FRMD4A: variants seen among roughly 807,000 people sequenced by gnomAD.
The protein encoded by FRMD4A is FERM domain containing 4A.
A neutral mutation model predicts 129.1 loss-of-function variants in FRMD4A; 29 were observed. The ratio of observed to expected loss-of-function variants is 0.22; its 90% CI spans 0.17 to 0.31. The LOEUF (loss-of-function observed/expected upper bound fraction) is 0.31. Ranked by LOEUF, FRMD4A falls within the 10% of genes least tolerant of loss-of-function variation. FRMD4A has a pLI of 1.00. For missense variants in FRMD4A, 1,272 were observed against 1,375.8 expected (o/e 0.92, Z 1.19); for synonymous variants, 634 against 571.6 (o/e 1.11, Z -1.56).
At chr10:13,705,207 T>C (rs1024042645) in intron 13 of FRMD4A, among the ~76,000 whole-genome samples, 4 of 152,134 alleles carry the variant, frequency 2.6e-5, no homozygotes, top group Non-Finnish European at 5.9e-5. Context: ...GCAAGAAACA[T>C]GACATTGATC....
chr10:14,029,336 G>A (rs996355052), intron 2 of FRMD4A, among the ~76,000 whole-genome samples: 1 of 151,926 alleles, frequency 6.6e-6, no homozygotes, highest in Admixed American at 6.6e-5. Context: ...GGGAAACGGT[G>A]GGCAGATCGT....
intron 2 of FRMD4A, among the ~76,000 whole-genome samples, chr10:13,893,254 C>T (rs555178538): frequency 1.3e-5 from 2 of 152,186 alleles, no homozygotes; most frequent in Admixed American, 6.5e-5. Context: ...CCAGGCTGGT[C>T]TTAACTACCT....
chr10:13,886,884 A>G (rs1477519090), intron 2 of FRMD4A, among the ~76,000 whole-genome samples: 1 of 152,220 alleles, frequency 6.6e-6, no homozygotes, highest in Non-Finnish European at 1.5e-5. Flanking sequence ...AGTGTATGCA[A>G]GCAAAACATA....
intron 6 of FRMD4A, among the ~76,000 whole-genome samples, chr10:13,774,448 G>C (rs2092546196): frequency 6.6e-6 from 1 of 152,242 alleles, no homozygotes. Flanking sequence ...ACAGGAAGCA[G>C]GGATGAAGTG....
intron 8 of FRMD4A, among the ~76,000 whole-genome samples, chr10:13,748,608 G>A (rs1470190757): frequency 3.3e-5 from 5 of 152,172 alleles, no homozygotes; most frequent in African/African-American, 7.2e-5. Flanking sequence ...TTTTGCTTTT[G>A]AGGAGGCTCA....
intron 2 of FRMD4A, among the ~76,000 whole-genome samples, chr10:13,880,060 C>T (rs1399280487): frequency 2.0e-5 from 3 of 152,006 alleles, no homozygotes; most frequent in Admixed American, 6.6e-5. Context: ...CTTTAAGCAT[C>T]GTTTGTACAT....
At chr10:13,724,324 G>A (rs964545548) in intron 12 of FRMD4A, among the ~76,000 whole-genome samples, 12 of 152,150 alleles carry the variant, frequency 7.9e-5, no homozygotes, top group African/African-American at 1.2e-4. Context: ...GGAGGCGGAC[G>A]TTGCAGTGAG....
intron 9 of FRMD4A, among the ~76,000 whole-genome samples, chr10:13,740,790 C>T (rs1015387247): frequency 6.6e-6 from 1 of 150,716 alleles, no homozygotes; most frequent in African/African-American, 2.4e-5. Context: ...TCTGTTTTCC[C>T]CACAAAGGAC....
chr10:14,044,027 C>G lies in FRMD4A; in HGVS notation c.46-185115G>C, dbSNP rs74965144. Among the ~76,000 whole-genome samples the G allele has an allele frequency of 7.5e-3, 1,142 of 152,286 alleles. 56 individuals are homozygous for G. In the East Asian group the frequency reaches 0.11, roughly 15 times the overall value. On this transcript the variant is annotated intron_variant, in intron 2 of 24. Coordinates refer to ENST00000357447, the MANE Select transcript of FRMD4A (RefSeq NM_018027.5). Reference sequence around the variant, plus strand: ...ACTTATTTGTAGAGATGGGGTCCCACTGTGTTGCCCAGGCTGGTCTCCAGT... The same window carrying G: ...ACTTATTTGTAGAGATGGGGTCCCAGTGTGTTGCCCAGGCTGGTCTCCAGT...
At chr10:13,985,653 G>C (rs2095578479) in intron 2 of FRMD4A, among the ~76,000 whole-genome samples, 1 of 152,212 alleles carries the variant, frequency 6.6e-6, no homozygotes, top group Non-Finnish European at 1.5e-5. Context: ...GCAGGCACCA[G>C]TCTCCACGGG....
At chr10:13,657,821 C>T (rs2082305560) in intron 21 of FRMD4A, among the ~76,000 whole-genome samples, 1 of 141,530 alleles carries the variant, frequency 7.1e-6, no homozygotes, top group African/African-American at 2.9e-5. Flanking sequence ...TCTATAGACA[C>T]AAAGAGAATC....
At chr10:13,801,908 C>G (rs1172838597) in intron 4 of FRMD4A, among the ~76,000 whole-genome samples, 6 of 148,574 alleles carry the variant, frequency 4.0e-5, no homozygotes, top group Non-Finnish European at 7.4e-5. Flanking sequence ...TTCCTTAATA[C>G]AGTTTAACTA....
chr10:13,956,542 C>G (rs2095411241), intron 2 of FRMD4A, among the ~76,000 whole-genome samples: 1 of 152,214 alleles, frequency 6.6e-6, no homozygotes, highest in African/African-American at 2.4e-5. Flanking sequence ...AGTTGCTTGC[C>G]AAGTCCATGC....
chr10:14,327,284 G>A (rs1399027077), intron 2 of FRMD4A, among the ~76,000 whole-genome samples: 1 of 152,214 alleles, frequency 6.6e-6, no homozygotes, highest in Non-Finnish European at 1.5e-5. Context: ...AAGCCAGAGT[G>A]GGAACACACT....
At chr10:14,121,372 C>T (rs1838505966) in intron 2 of FRMD4A, among the ~76,000 whole-genome samples, 1 of 152,078 alleles carries the variant, frequency 6.6e-6, no homozygotes, top group Non-Finnish European at 1.5e-5. Context: ...TGTCTCAAAA[C>T]AGAACAAAAA....
At chr10:14,197,543 C>T (rs1854076) in intron 2 of FRMD4A, among the ~76,000 whole-genome samples, 151,570 of 152,260 alleles carry the variant, frequency 1, 75,445 homozygotes, top group East Asian at 1. Context: ...GTATTTTTAG[C>T]AGAGATGGGG....
chr10:14,273,059 TACAC>T (rs59318900), intron 2 of FRMD4A, among the ~76,000 whole-genome samples: 1,679 of 143,974 alleles, frequency 0.012, 19 homozygotes, highest in East Asian at 0.026. Context: ...TTACCAGAAA[TACAC>T]ACACACACAC....
At chr10:14,057,382 G>T (rs1256848857) in intron 2 of FRMD4A, among the ~76,000 whole-genome samples, 1 of 152,150 alleles carries the variant, frequency 6.6e-6, no homozygotes, top group East Asian at 1.9e-4. Context: ...TAGAGCTGGG[G>T]TTATAGGATT....
Position 14,201,613 on chromosome 10 carries a change from G to A in FRMD4A, c.45+128445C>T, listed in dbSNP as rs574292738. 2.6e-5 allele frequency among the ~76,000 whole-genome samples: 4 copies of A among 152,266 alleles called. No homozygotes were observed. In the South Asian group the frequency reaches 6.2e-4, roughly 24 times the overall value. ...CAGCAAATAAAAGTGTGGTCTGAGA[G>A]GAGAGAACCCCCTCTCTAAACTGAG... On this transcript the variant is annotated intron_variant, in intron 2 of 24. Transcript: ENST00000357447.
Sources: allele counts gnomAD v4.1 joint callset (sites outside exome capture counted in the v4.1 genomes callset), GRCh38; gene constraint gnomAD v4.1.1; transcripts MANE v1.5; gene names NCBI Gene and HGNC (gene_info 2026-07-23, HGNC 2026-07-21).